GDPD5: variants seen among roughly 807,000 people sequenced by gnomAD.
The protein encoded by GDPD5 is glycerophosphodiester phosphodiesterase domain containing 5.
A neutral mutation model predicts 75.1 loss-of-function variants in GDPD5; 48 were observed. The observed-to-expected ratio is 0.64, with a 90% CI of 0.51 to 0.81. The LOEUF (loss-of-function observed/expected upper bound fraction) is 0.81. Ranked by LOEUF, GDPD5 falls within the 40% of genes least tolerant of loss-of-function variation. The probability of loss-of-function intolerance (pLI) is 0.00; values close to 1 mark genes in which losing one functional copy is unlikely to be tolerated. For missense variants in GDPD5, 706 were observed against 822.6 expected, an observed-to-expected ratio of 0.86 and a Z score of 1.73; for synonymous variants, 336 against 339.0, an observed-to-expected ratio of 0.99 and a Z score of 0.10.
chr11:75,491,562 C>CCCT (rs1422812702), intron 1 of GDPD5, among the ~76,000 whole-genome samples: 1 of 152,156 alleles, frequency 6.6e-6, no homozygotes, highest in Non-Finnish European at 1.5e-5. Flanking sequence ...TGCTGCAGGT[C>CCCT]CCTGGACCAC....
chr11:75,517,355 G>A (rs1950659631), intron 1 of GDPD5: 1 of 152,360 alleles, frequency 6.6e-6, no homozygotes, highest in African/African-American at 2.4e-5. Context: ...TTGGGAGGCT[G>A]AGGCAGGAGA....
At chr11:75,487,604 C>T (rs1395793972) in intron 2 of GDPD5, among the ~76,000 whole-genome samples, 1 of 152,222 alleles carries the variant, frequency 6.6e-6, no homozygotes, top group Non-Finnish European at 1.5e-5. Context: ...ATGCCAGGGC[C>T]TCCTGTTTAC....
chr11:75,472,028 A>G (rs943947320), intron 3 of GDPD5, among the ~76,000 whole-genome samples: 2 of 152,202 alleles, frequency 1.3e-5, no homozygotes, highest in African/African-American at 4.8e-5. Flanking sequence ...TGAAGGAGAG[A>G]AAGCCATCAC....
At chr11:75,472,588 C>T (rs991046031) in intron 3 of GDPD5, among the ~76,000 whole-genome samples, 33 of 152,180 alleles carry the variant, frequency 2.2e-4, no homozygotes, top group Non-Finnish European at 7.3e-5. Context: ...GAACACAGCA[C>T]ACACCCGTCC....
rs559690888 is a variant in GDPD5 at position 75,436,914 on chromosome 11, A to G, written c.1669+22T>C. On this transcript the variant is annotated intron_variant, in intron 16 of 16. Transcript: ENST00000336898. ...AAAGCTGGGCCCAGGGCCTGCCTCCACCTGTCTGCAGGGCTGTGTACCTGA... is the reference window on the plus strand; with the variant it reads ...AAAGCTGGGCCCAGGGCCTGCCTCCGCCTGTCTGCAGGGCTGTGTACCTGA... 1.3e-5 allele frequency: 20 copies of G among 1,588,990 alleles called. No homozygotes were observed. In the South Asian group the frequency reaches 2.2e-4, roughly 18 times the overall value.
At chr11:75,489,719 G>C (rs900595322) in intron 2 of GDPD5, among the ~76,000 whole-genome samples, 1 of 152,056 alleles carries the variant, frequency 6.6e-6, no homozygotes, top group Non-Finnish European at 1.5e-5. Flanking sequence ...TTTGTGAAGA[G>C]GTCAGCCTGC....
At chr11:75,447,844 C>T (rs1949027362) in intron 9 of GDPD5, among the ~76,000 whole-genome samples, 1 of 152,156 alleles carries the variant, frequency 6.6e-6, no homozygotes, top group Non-Finnish European at 1.5e-5. Flanking sequence ...ACCTTTGAGG[C>T]ACAGAGGGGA....
At position 75,449,065 on chromosome 11, in the gene GDPD5, G is replaced by A. The variant is rs1949060833; in HGVS notation, c.626C>T (p.Ala209Val). ...FFTVVFALYL[A>V]PLTISSPCIM... is the part of the protein sequence containing the mutation. ...GCAGGGAGAGGAGATGGTGAGAGGG[G>A]CCAGGTAGAGGGCAAACACCACGGT... Residue 209 changes from alanine to valine, a missense_variant, in exon 9 of 17, where the codon GCC becomes GTC. Ala to Val is a moderately conservative substitution (Grantham distance 64, BLOSUM62 0). Coordinates refer to ENST00000336898, the MANE Select transcript of GDPD5 (RefSeq NM_030792.8). The A allele has an allele frequency of 6.2e-7, 1 of 1,606,746 alleles. No individual in the cohort carries two copies.
intron 3 of GDPD5, among the ~76,000 whole-genome samples, chr11:75,472,386 C>T (rs1949687357): frequency 6.6e-6 from 1 of 152,194 alleles, no homozygotes. Flanking sequence ...CTTTCCAGCT[C>T]CATATCCTGG....
chr11:75,498,171 G>A (rs1244197663), intron 1 of GDPD5, among the ~76,000 whole-genome samples: 2 of 152,216 alleles, frequency 1.3e-5, no homozygotes, highest in Non-Finnish European at 2.9e-5. Flanking sequence ...TGTCACAGGG[G>A]ACAGGAGAGA....
At position 75,439,950 on chromosome 11, in the gene GDPD5, C is replaced by T; in HGVS notation, c.1485G>A (p.Glu495=). 1 of 1,613,756 alleles carries T rather than the reference C, an allele frequency of 6.2e-7. No individual in the cohort carries two copies. The highest frequency in any genetic ancestry group is 8.5e-7 in the Non-Finnish European group (1 of 1,179,762). Residue 495 remains glutamate, a synonymous_variant, in exon 15 of 17, where the codon GAG becomes GAA. Transcript: ENST00000336898. ...CGGCAGTGACCCACATGAGACAGTA[C>T]TCGTCCGGGGGCTGTGGACAGACGG... The part of the protein sequence containing the change: ...PSPLWIMPPD[E]YCLMWVTADL...
At chr11:75,447,788 T>G (rs973084430) in intron 9 of GDPD5, among the ~76,000 whole-genome samples, 1 of 152,074 alleles carries the variant, frequency 6.6e-6, no homozygotes, top group African/African-American at 2.4e-5. Flanking sequence ...CTGGGAAGGC[T>G]GGGCTCCAAT....
intron 3 of GDPD5, 121 bp from the exon 4 acceptor site, chr11:75,463,010 T>A: frequency 1.3e-6 from 1 of 743,050 alleles, no homozygotes; most frequent in South Asian, 1.7e-5. Context: ...CAGGAATTCC[T>A]GCCCTCTTTA....
chr11:75,456,682 G>A (rs1001328346), intron 6 of GDPD5, 75 bp downstream of exon 6: 4 of 1,400,680 alleles, frequency 2.9e-6, no homozygotes, highest in Non-Finnish European at 4.1e-6. Context: ...GGACATGGTG[G>A]CCAGGCCCTT....
chr11:75,488,939 C>T lies in GDPD5; in HGVS notation c.-61+1298G>A, dbSNP rs117387469. On this transcript the variant is annotated intron_variant, in intron 2 of 16. Coordinates refer to ENST00000336898, the MANE Select transcript of GDPD5 (RefSeq NM_030792.8). The stretch of plus-strand genomic sequence containing the variant: ...CCTGGTGATGGGGACACAAGATATG[C>T]CAGGCCCTGTCCTTGCTAGAAGAGT... 1.0e-3 allele frequency among the ~76,000 whole-genome samples: 153 copies of T among 152,264 alleles called. 1 individual carries two copies. The East Asian group carries it at 0.025, about 25-fold the overall frequency.
At chr11:75,468,854 C>T (rs1474470271) in intron 3 of GDPD5, among the ~76,000 whole-genome samples, 1 of 152,208 alleles carries the variant, frequency 6.6e-6, no homozygotes, top group Non-Finnish European at 1.5e-5. Flanking sequence ...CTTTTCCCAC[C>T]GGCTGTGTGG....
chr11:75,477,610 G>T lies in GDPD5; in HGVS notation c.117+9C>A. The T allele has an allele frequency of 6.4e-7, 1 of 1,552,860 alleles. No homozygotes were observed. On this transcript the variant is annotated intron_variant, in intron 3 of 16. Transcript: ENST00000336898. The stretch of plus-strand genomic sequence containing the variant: ...TGGGTCCCTCTGACCCTGTTCCAGG[G>T]TGGCTCACCGGTGTGGTATCATCAT...
chr11:75,480,336 A>G (rs1013675420), intron 2 of GDPD5, among the ~76,000 whole-genome samples: 7 of 152,064 alleles, frequency 4.6e-5, no homozygotes, highest in Non-Finnish European at 7.4e-5. Context: ...TCAAAAAAAA[A>G]AAAAAAGAAT....
chr11:75,474,542 A>G (rs1400779305), intron 3 of GDPD5, among the ~76,000 whole-genome samples: 2 of 152,122 alleles, frequency 1.3e-5, no homozygotes, highest in African/African-American at 4.8e-5. Flanking sequence ...TGGGGGCAAG[A>G]GAAGAGGCCA....
Sources: gnomAD v4.1 joint callset for allele counts (sites outside exome capture counted in the v4.1 genomes callset) on GRCh38, gnomAD v4.1.1 for gene constraint, MANE v1.5 for transcripts, NCBI Gene and HGNC (gene_info 2026-07-23, HGNC 2026-07-21) for gene names.